Variants in ZMYM2 observed in about 807,000 individuals in gnomAD.
The protein encoded by ZMYM2 is zinc finger MYM-type protein 2.
A neutral mutation model predicts 162.8 loss-of-function variants in ZMYM2; 56 were observed. The ratio of observed to expected loss-of-function variants is 0.34; its 90% CI spans 0.28 to 0.43. The LOEUF is 0.43. Ranked by LOEUF, ZMYM2 falls within the 20% of genes least tolerant of loss-of-function variation. The pLI, the probability that ZMYM2 is intolerant of heterozygous loss-of-function variation, is 1.00. For missense variants in ZMYM2, 1,275 were observed against 1,621.8 expected, an observed-to-expected ratio of 0.79 and a Z score of 3.67; for synonymous variants, 510 against 541.6, an observed-to-expected ratio of 0.94 and a Z score of 0.81.
At chr13:19,983,147 C>CT (rs536615645) in intron 2 of ZMYM2, among the ~76,000 whole-genome samples, 19,016 of 141,878 alleles carry the variant, frequency 0.13, 2,510 homozygotes, top group African/African-American at 0.34. Context: ...CCCACTTTCA[C>CT]TTTTTTTTTT....
chr13:19,919,840 G>A, the ZMYM2 span, among the ~76,000 whole-genome samples: 953 of 151,964 alleles, frequency 6.3e-3, 14 homozygotes, highest in African/African-American at 0.022. Context: ...ACACCTGGCC[G>A]ATTTTTGTAT....
intron 2 of ZMYM2, among the ~76,000 whole-genome samples, chr13:19,962,150 CTGTGT>C (rs1251412831): frequency 6.6e-6 from 1 of 152,084 alleles, no homozygotes; most frequent in Non-Finnish European, 1.5e-5. Context: ...TTTTTAACTT[CTGTGT>C]GGATATAGAG....
intron 2 of ZMYM2, among the ~76,000 whole-genome samples, chr13:19,961,884 TATACAGTAGGAAC>T (rs1431617763): frequency 6.6e-6 from 1 of 152,234 alleles, no homozygotes; most frequent in African/African-American, 2.4e-5. Flanking sequence ...GTACTTTTAT[TATACAGTAGGAAC>T]ATATGTAAAT....
chr13:19,983,393 C>T (rs1302725648), intron 2 of ZMYM2, among the ~76,000 whole-genome samples: 1 of 151,954 alleles, frequency 6.6e-6, no homozygotes, highest in Non-Finnish European at 1.5e-5. Context: ...TGATCCGCCT[C>T]CCTCGGCCTC....
chr13:19,944,981 AT>A, the ZMYM2 span, among the ~76,000 whole-genome samples: 1 of 151,480 alleles, frequency 6.6e-6, no homozygotes, highest in Non-Finnish European at 1.5e-5. Flanking sequence ...CCTATTTTTT[AT>A]TTTGAAGAAA....
At chr13:20,015,884 C>A (rs1053362309) in intron 6 of ZMYM2, among the ~76,000 whole-genome samples, 1 of 151,872 alleles carries the variant, frequency 6.6e-6, no homozygotes, top group Admixed American at 6.6e-5. Flanking sequence ...TAAATAAATC[C>A]TTCCTTATCA....
chr13:20,048,315 T>C (rs2140519526), intron 12 of ZMYM2, among the ~76,000 whole-genome samples: 1 of 152,110 alleles, frequency 6.6e-6, no homozygotes, highest in African/African-American at 2.4e-5. Context: ...TTTGAAATTA[T>C]TTTTAGGAAA....
At chr13:20,064,323 C>T in intron 18 of ZMYM2, 128 bp from the exon 19 acceptor site, 1 of 614,014 alleles carries the variant, frequency 1.6e-6, no homozygotes, top group Non-Finnish European at 2.5e-6. Context: ...TCATTTACTC[C>T]CCAGCCCAGC....
chr13:19,881,774 C>CAGG, the ZMYM2 span, among the ~76,000 whole-genome samples: 1 of 151,968 alleles, frequency 6.6e-6, no homozygotes, highest in South Asian at 2.1e-4. Context: ...ACTTTGAGAT[C>CAGG]AGGAGTTCAA....
chr13:19,926,063 C>A, the ZMYM2 span, among the ~76,000 whole-genome samples: 4 of 150,174 alleles, frequency 2.7e-5, no homozygotes, highest in Non-Finnish European at 4.4e-5. Context: ...TGGGTTCAAG[C>A]AATTCTCCCC....
In ZMYM2 at chr13:20,032,193, A is replaced by G. The variant is rs142286334; in HGVS notation, c.1968+758A>G. Among the ~76,000 whole-genome samples the G allele has an allele frequency of 1.1e-3, 173 of 152,308 alleles. 1 individual carries two copies. The Middle Eastern group carries it at 0.017, about 15-fold the overall frequency. ...GCCATAATTGTGTTTTAATAAAACAATAGTGGCCTATGAATCCCACTACAA... is the reference window on the plus strand; with the variant it reads ...GCCATAATTGTGTTTTAATAAAACAGTAGTGGCCTATGAATCCCACTACAA... On this transcript the variant is annotated intron_variant, in intron 10 of 24. Transcript: ENST00000610343.
chr13:19,979,650 A>G lies in ZMYM2; in HGVS notation c.-10-13413A>G, dbSNP rs182811088. Among the ~76,000 whole-genome samples the G allele has an allele frequency of 9.8e-5, 15 of 152,326 alleles. No individual in the cohort carries two copies. The East Asian group carries it at 2.5e-3, about 25-fold the overall frequency. On this transcript the variant is annotated intron_variant, in intron 2 of 24. Transcript: ENST00000610343. ...ACCAAGGAAGTGTCTGCTCCAGACC[A>G]GCCCAAACACACAATCCCAAATTTT... is the stretch of plus-strand genomic sequence containing the variant.
rs570038184 is a variant in ZMYM2, at chr13:20,083,790, A to C, written c.3941+14A>C. On this transcript the variant is annotated intron_variant, in intron 24 of 24. Transcript: ENST00000610343. Reference sequence around the variant, plus strand: ...CTTGTCTAAAAGGTGAGTGTTAATGATACTTAACTTTTAAAAATGTTGGTA... The same window carrying C: ...CTTGTCTAAAAGGTGAGTGTTAATGCTACTTAACTTTTAAAAATGTTGGTA... 5.0e-6 allele frequency: 8 copies of C among 1,594,210 alleles called. No individual in the cohort carries two copies. In the African/African-American group the frequency reaches 9.4e-5, roughly 19 times the overall value.
intron 3 of ZMYM2, among the ~76,000 whole-genome samples, chr13:20,001,445 A>G (rs1391865466): frequency 1.3e-5 from 2 of 152,008 alleles, no homozygotes; most frequent in African/African-American, 2.4e-5. Context: ...AATTGCTGCA[A>G]TCTCGTGATA....
chr13:19,865,473 C>T, the ZMYM2 span, among the ~76,000 whole-genome samples: 1 of 152,044 alleles, frequency 6.6e-6, no homozygotes, highest in Non-Finnish European at 1.5e-5. Flanking sequence ...TTTTTTAGGT[C>T]CTCAGTTACT....
intron 21 of ZMYM2, among the ~76,000 whole-genome samples, chr13:20,071,561 C>G (rs1407289311): frequency 1.3e-5 from 2 of 152,246 alleles, no homozygotes; most frequent in South Asian, 4.1e-4. Flanking sequence ...GTGAATTGGC[C>G]CCCTGTGCAG....
chr13:19,866,251 AAAGAATT>A, the ZMYM2 span, among the ~76,000 whole-genome samples: 2 of 88,740 alleles, frequency 2.3e-5, no homozygotes, highest in East Asian at 1.8e-3. Flanking sequence ...ACAAGCAAAA[AAAGAATT>A]AAATAAATTA....
chr13:19,947,904 C>G, the ZMYM2 span, among the ~76,000 whole-genome samples: 1 of 151,684 alleles, frequency 6.6e-6, no homozygotes, highest in African/African-American at 2.4e-5. Flanking sequence ...CAGTTCTTTA[C>G]AGCATCTCTT....
the ZMYM2 span, among the ~76,000 whole-genome samples, chr13:19,870,538 TC>T: frequency 3.9e-5 from 2 of 51,706 alleles, no homozygotes; most frequent in African/African-American, 6.1e-5. Flanking sequence ...TCTTTCTTTC[TC>T]TTTCTTTCTT....
Sources: allele counts gnomAD v4.1 joint callset (sites outside exome capture counted in the v4.1 genomes callset), GRCh38; gene constraint gnomAD v4.1.1; transcripts MANE v1.5; gene names NCBI Gene and HGNC (gene_info 2026-07-23, HGNC 2026-07-21).